UBLCP1: variants seen among roughly 807,000 people sequenced by gnomAD.
UBLCP1 encodes ubiquitin-like domain-containing CTD phosphatase 1.
In UBLCP1, 28 loss-of-function variants were observed where a neutral mutation model predicts 42.4. That is an observed-to-expected ratio of 0.66 (90% confidence interval 0.49 to 0.90). The LOEUF is 0.90. UBLCP1 is among the 40% of genes least tolerant of loss of function. The pLI is 0.00. For synonymous variants in UBLCP1, 122 were observed against 120.8 expected, an observed-to-expected ratio of 1.01 and a Z score of -0.07; for missense variants, 279 against 374.5, an observed-to-expected ratio of 0.75 and a Z score of 2.10.
chr5:159,271,929 G>A, intron 5 of UBLCP1, 94 bp from the exon 6 acceptor site: 1 of 820,186 alleles, frequency 1.2e-6, no homozygotes. Context: ...GTTTATGTTT[G>A]CATTTCGTAA....
rs1753660559 is a variant in UBLCP1, at chr5:159,285,226, A to C, written c.*295A>C. ...CACACACACACACACACACACACAC[A>C]CACACACACACACACACAAAGTGGA... is the stretch of plus-strand genomic sequence containing the variant. On this transcript the variant is annotated 3_prime_UTR_variant, in exon 11 of 11. Coordinates refer to ENST00000296786, the MANE Select transcript of UBLCP1 (RefSeq NM_145049.5). 3.8e-6 allele frequency: 1 copy of C among 263,004 alleles called. No individual in the cohort carries two copies. Among genetic ancestry groups the C allele is most frequent in the African/African-American group, 2.4e-5 (1 of 41,586 alleles). The allele number at this position is 263,004 out of a possible 1,614,324, so 16.3% of individuals were successfully genotyped here.
Position 159,269,505 on chromosome 5 carries a change from T to C in UBLCP1, c.155-403T>C, listed in dbSNP as rs538768381. Among the ~76,000 whole-genome samples the C allele has an allele frequency of 1.5e-4, 23 of 152,366 alleles. No homozygotes were observed. The South Asian group carries it at 4.6e-3, about 30-fold the overall frequency. On this transcript the variant is annotated intron_variant, in intron 2 of 10. Coordinates refer to ENST00000296786, the MANE Select transcript of UBLCP1 (RefSeq NM_145049.5). ...ATTCATATCCAGTTTAAAAGGGATT[T>C]TTTTTATGGTGTTTTGTGATTATCA...
intron 1 of UBLCP1, among the ~76,000 whole-genome samples, chr5:159,265,340 G>A (rs1457198408): frequency 2.0e-5 from 3 of 152,164 alleles, no homozygotes; most frequent in Non-Finnish European, 4.4e-5. Flanking sequence ...TGAAAGCATT[G>A]GAAATACCAA....
Position 159,272,092 on chromosome 5 carries a change from C to T in UBLCP1, c.518C>T (p.Ala173Val), listed in dbSNP as rs766778035. 5 of 1,612,950 alleles carry T rather than the reference C, an allele frequency of 3.1e-6. No individual in the cohort carries two copies. The highest frequency in any genetic ancestry group is 3.4e-6 in the Non-Finnish European group (4 of 1,179,632). ...TATCTTCATGAATTTCTAACATCTG[C>T]CTATGAAGATTATGACATTGTTATT... ...RPYLHEFLTS[A>V]YEDYDIVIWS... The change falls in exon 6 of 11, where the codon GCC (alanine) becomes GTC (valine). Residue 173 changes from alanine to valine, a missense_variant. Coordinates refer to ENST00000296786, the MANE Select transcript of UBLCP1 (RefSeq NM_145049.5).
At chr5:159,269,887 A>G (rs757166622) in intron 2 of UBLCP1, 21 bp from the exon 3 acceptor site, 1 of 1,595,086 alleles carries the variant, frequency 6.3e-7, no homozygotes, top group Non-Finnish European at 8.6e-7. Context: ...GTGAGAAAAC[A>G]GTCATTTGCT....
At chr5:159,279,680 T>G (rs1272539168) in intron 9 of UBLCP1, among the ~76,000 whole-genome samples, 1 of 152,218 alleles carries the variant, frequency 6.6e-6, no homozygotes, top group Non-Finnish European at 1.5e-5. Context: ...AACTGTTGAC[T>G]TGGAAGAAAA....
At chr5:159,269,105 ATTTTTAGTAT>A (rs759661690) in intron 2 of UBLCP1, 36 bp downstream of exon 2, 5 of 1,414,364 alleles carry the variant, frequency 3.5e-6, no homozygotes, top group Non-Finnish European at 4.7e-6. Flanking sequence ...TTTGCATTGA[ATTTTTAGTAT>A]TATGAATTTT....
chr5:159,275,645 C>T (rs979270347), intron 8 of UBLCP1, among the ~76,000 whole-genome samples: 1 of 152,052 alleles, frequency 6.6e-6, no homozygotes, highest in African/African-American at 2.4e-5. Context: ...ATCTCCTGAC[C>T]TCGTGATCCG....
rs933170631 is a variant in UBLCP1, at chr5:159,284,897, C to G, written c.930-7C>G. ...CAGCTTTGACATCTTTATTTTATTT[C>G]TTGCAGATATCTCTCAAAGAAGCAA... On this transcript the variant is annotated splice_polypyrimidine_tract_variant and splice_region_variant and intron_variant, in intron 10 of 10. Transcript: ENST00000296786. 1 of 1,612,626 alleles carries G rather than the reference C, an allele frequency of 6.2e-7. No homozygotes were observed. Among genetic ancestry groups the G allele is most frequent in the African/African-American group, 1.3e-5 (1 of 74,940 alleles).
chr5:159,270,552 T>C lies in UBLCP1; in HGVS notation c.357T>C (p.Ser119=). ...GGGAAGAAAACCTACTGAAAATTTC[T>C]CGCAGAGTGAAAGAGTACAAAGTGG... The part of the protein sequence containing the change: ...ENREENLLKI[S]RRVKEYKVEI... Residue 119 remains serine (S), a synonymous_variant, in exon 5 of 11, where the codon TCT becomes TCC. Coordinates refer to ENST00000296786, the MANE Select transcript of UBLCP1 (RefSeq NM_145049.5). 3 of 1,610,666 alleles carry C rather than the reference T, an allele frequency of 1.9e-6. No homozygotes were observed. The highest frequency in any genetic ancestry group is 2.5e-6 in the Non-Finnish European group (3 of 1,178,944).
chr5:159,271,234 G>A (rs964965485), intron 5 of UBLCP1, among the ~76,000 whole-genome samples: 2 of 152,138 alleles, frequency 1.3e-5, no homozygotes, highest in African/African-American at 4.8e-5. Flanking sequence ...GCTGAGGTGG[G>A]AGGATTGCTT....
intron 1 of UBLCP1, among the ~76,000 whole-genome samples, chr5:159,266,942 T>G (rs1345502117): frequency 6.6e-6 from 1 of 152,208 alleles, no homozygotes; most frequent in Non-Finnish European, 1.5e-5. Flanking sequence ...GGCAAAAGTT[T>G]GCTGCAGGGG....
At chr5:159,282,821 G>A (rs1753624042) in intron 9 of UBLCP1, among the ~76,000 whole-genome samples, 1 of 151,998 alleles carries the variant, frequency 6.6e-6, no homozygotes, top group Admixed American at 6.6e-5. Flanking sequence ...TTATCTCACT[G>A]TACTGTTAGA....
rs1191917294 is a variant in UBLCP1 at position 159,270,704 on chromosome 5, CTTTG to C, written c.448+65_448+68del. 677 of 1,019,718 alleles carry C rather than the reference CTTTG, an allele frequency of 6.6e-4. 1 individual carries two copies. The highest frequency in any genetic ancestry group is 8.5e-4 in the Non-Finnish European group (629 of 740,454). 63.2% of individuals were successfully genotyped at this position (1,019,718 alleles called of 1,614,324 possible). On this transcript the variant is annotated intron_variant, in intron 5 of 10. Coordinates refer to ENST00000296786, the MANE Select transcript of UBLCP1 (RefSeq NM_145049.5). Reference sequence around the variant, plus strand: ...CCCACAACAACTCTTTTTTTCTTTTCTTTGTTTTTTTTTTTTCTTAGCAACTCAT... The same window carrying C: ...CCCACAACAACTCTTTTTTTCTTTTCTTTTTTTTTTTTCTTAGCAACTCAT...
At position 159,285,199 on chromosome 5, in the gene UBLCP1, CACACACACACACA is replaced by C; in HGVS notation, c.*269_*281del. The stretch of plus-strand genomic sequence containing the variant: ...TACTGACCACCCCACCCTCCCACCA[CACACACACACACA>C]CACACACACACACACACACACACAC... On this transcript the variant is annotated 3_prime_UTR_variant, in exon 11 of 11. Coordinates refer to ENST00000296786, the MANE Select transcript of UBLCP1 (RefSeq NM_145049.5). The C allele has an allele frequency of 1.1e-5, 1 of 93,194 alleles. No individual in the cohort carries two copies. The highest frequency in any genetic ancestry group is 1.9e-5 in the Non-Finnish European group (1 of 52,592). The allele number at this position is 93,194 out of a possible 1,614,324, so 5.8% of individuals were successfully genotyped here.
At position 159,264,040 on chromosome 5, in the gene UBLCP1, T is replaced by A. The variant is rs1320563649; in HGVS notation, c.-47+680T>A. Among the ~76,000 whole-genome samples the A allele has an allele frequency of 3.3e-5, 5 of 152,342 alleles. No homozygotes were observed. In the East Asian group the frequency reaches 9.6e-4, roughly 29 times the overall value. On this transcript the variant is annotated intron_variant, in intron 1 of 10. Coordinates refer to ENST00000296786, the MANE Select transcript of UBLCP1 (RefSeq NM_145049.5). ...TTTTTATTCCATCATGAACACCATTTGTATTGTGTTTTACAGTTTACAAAG... is the reference window on the plus strand; with the variant it reads ...TTTTTATTCCATCATGAACACCATTAGTATTGTGTTTTACAGTTTACAAAG...
intron 3 of UBLCP1, 55 bp from the exon 4 acceptor site, chr5:159,270,292 TTATGCTATGCATG>T: frequency 7.9e-7 from 1 of 1,263,876 alleles, no homozygotes. Context: ...CATTTTATTT[TTATGCTATGCATG>T]TATTTGTTAT....
chr5:159,282,126 G>A (rs1304206442), intron 9 of UBLCP1, among the ~76,000 whole-genome samples: 2 of 151,938 alleles, frequency 1.3e-5, no homozygotes, highest in Non-Finnish European at 2.9e-5. Flanking sequence ...TGCTCTATAC[G>A]CTACTTCCCT....
At chr5:159,264,476 A>G (rs1205395329) in intron 1 of UBLCP1, among the ~76,000 whole-genome samples, 3 of 152,246 alleles carry the variant, frequency 2.0e-5, no homozygotes, top group East Asian at 1.9e-4. Context: ...TTAAAGACAT[A>G]TGCATTTACA....
Sources: allele counts gnomAD v4.1 joint callset (sites outside exome capture counted in the v4.1 genomes callset), GRCh38; gene constraint gnomAD v4.1.1; transcripts MANE v1.5; gene names NCBI Gene and HGNC (gene_info 2026-07-23, HGNC 2026-07-21).